The following ADGRE1 variants were observed in gnomAD, a reference collection of about 807,000 sequenced individuals.
ADGRE1 encodes the protein EGF-like module receptor 1.
In ADGRE1, 82 loss-of-function variants were observed where a neutral mutation model predicts 102.7. That is an observed-to-expected ratio of 0.80 (90% CI 0.67 to 0.96). The LOEUF (loss-of-function observed/expected upper bound fraction) is 0.96, where lower values mean the gene tolerates loss of function less well. Ranked by LOEUF, ADGRE1 falls within the 40% of genes least tolerant of loss-of-function variation. The pLI, the probability that ADGRE1 is intolerant of heterozygous loss-of-function variation, is 0.00. For synonymous variants in ADGRE1, 398 were observed against 399.6 expected, an observed-to-expected ratio of 1.00 and a Z score of 0.05; for missense variants, 1,032 against 1,085.3, an observed-to-expected ratio of 0.95 and a Z score of 0.69.
intron 17 of ADGRE1, among the ~76,000 whole-genome samples, chr19:6,933,897 A>T (rs1232736867): frequency 2.0e-5 from 3 of 149,646 alleles, no homozygotes; most frequent in African/African-American, 7.5e-5. Context: ...TTGCTCAGGA[A>T]TGCTTTTGAG....
chr19:6,931,458 C>T (rs1050608729), intron 17 of ADGRE1, among the ~76,000 whole-genome samples: 4 of 152,126 alleles, frequency 2.6e-5, no homozygotes, highest in Non-Finnish European at 5.9e-5. Context: ...CATGACAACA[C>T]GAGGGAGGGT....
intron 20 of ADGRE1, among the ~76,000 whole-genome samples, chr19:6,939,201 A>C (rs540555592): frequency 1.3e-5 from 2 of 152,342 alleles, no homozygotes; most frequent in South Asian, 4.1e-4. Context: ...CATATCATGG[A>C]TGACATATTC....
intron 5 of ADGRE1, 67 bp from the exon 6 acceptor site, chr19:6,901,808 C>T: frequency 6.5e-7 from 1 of 1,546,348 alleles, no homozygotes. Flanking sequence ...AGTGCATCTC[C>T]TATTTGTAGT....
chr19:6,910,828 C>A (rs1332825767), intron 10 of ADGRE1, among the ~76,000 whole-genome samples: 9 of 152,126 alleles, frequency 5.9e-5, no homozygotes, highest in Non-Finnish European at 1.5e-5. Flanking sequence ...CCACCTCAGC[C>A]TCCCAAAGTG....
intron 14 of ADGRE1, among the ~76,000 whole-genome samples, 179 bp downstream of exon 14, chr19:6,922,062 G>A (rs1477664216): frequency 1.3e-5 from 2 of 152,144 alleles, no homozygotes; most frequent in African/African-American, 4.8e-5. Context: ...GTCTGGTTGG[G>A]AGGCCATGAA....
chr19:6,908,118 G>A (rs1032474184), intron 9 of ADGRE1, among the ~76,000 whole-genome samples: 1 of 152,230 alleles, frequency 6.6e-6, no homozygotes, highest in African/African-American at 2.4e-5. Flanking sequence ...TCGCTTAAAG[G>A]CGTTCTTAAA....
Position 6,940,097 on chromosome 19 carries a change from A to G in ADGRE1, c.*68A>G. 1.1e-5 allele frequency: 17 copies of G among 1,554,492 alleles called. No homozygotes were observed. The highest frequency in any genetic ancestry group is 1.7e-4 in the Middle Eastern group (1 of 5,970). ...GGACAGTAGTTTCCTGCAGGAGCCT[A>G]CCCTGAAATCTCTTCTCAGCTTAAC... is the stretch of plus-strand genomic sequence containing the variant. On this transcript the variant is annotated 3_prime_UTR_variant, in exon 21 of 21. Coordinates refer to ENST00000312053, the MANE Select transcript of ADGRE1 (RefSeq NM_001974.5).
intron 5 of ADGRE1, among the ~76,000 whole-genome samples, chr19:6,899,608 A>T (rs886690175): frequency 5.3e-5 from 8 of 151,570 alleles, no homozygotes; most frequent in Non-Finnish European, 2.9e-5. Flanking sequence ...TGAACCTGGG[A>T]GGCGGAGGTT....
At chr19:6,931,229 ACTGAT>A (rs1194046046) in intron 17 of ADGRE1, among the ~76,000 whole-genome samples, 16 of 152,162 alleles carry the variant, frequency 1.1e-4, no homozygotes, top group African/African-American at 3.9e-4. Context: ...TGTTTACTTG[ACTGAT>A]CTAAGTCTTG....
intron 17 of ADGRE1, among the ~76,000 whole-genome samples, chr19:6,929,320 C>T (rs1469560952): frequency 1.3e-5 from 2 of 152,160 alleles, no homozygotes; most frequent in Non-Finnish European, 2.9e-5. Context: ...AGATTTTAGA[C>T]TGGCTTGAGG....
chr19:6,925,696 A>AT (rs1194017669), intron 15 of ADGRE1, among the ~76,000 whole-genome samples: 1 of 138,442 alleles, frequency 7.2e-6, no homozygotes, highest in East Asian at 2.0e-4. Flanking sequence ...CTTTTTTTAA[A>AT]TTTTTAATTT....
Position 6,921,792 on chromosome 19 carries a change from G to A in ADGRE1, c.1700G>A (p.Cys567Tyr), listed in dbSNP as rs373945925. Residue 567 changes from cysteine to tyrosine, a missense_variant, in exon 14 of 21, where the codon TGT becomes TAT. Transcript: ENST00000312053. The part of the protein sequence containing the change: ...VKGGRWTSFG[C>Y]VILEASETYT... ...GGTGGAAGATGGACATCCTTTGGCT[G>A]TGTGATCCTGGAAGCTTCTGAGACA... The A allele has an allele frequency of 3.5e-5, 56 of 1,613,990 alleles. No individual in the cohort carries two copies. Among genetic ancestry groups the A allele is most frequent in the Non-Finnish European group, 4.5e-5 (53 of 1,180,032 alleles).
At chr19:6,899,566 G>A (rs1224753818) in intron 5 of ADGRE1, among the ~76,000 whole-genome samples, 1 of 151,996 alleles carries the variant, frequency 6.6e-6, no homozygotes, top group Non-Finnish European at 1.5e-5. Flanking sequence ...TGTAATCCCA[G>A]CTACTCGGGA....
intron 6 of ADGRE1, among the ~76,000 whole-genome samples, chr19:6,902,803 C>G (rs998483150): frequency 2.0e-5 from 3 of 152,224 alleles, no homozygotes; most frequent in Non-Finnish European, 4.4e-5. Context: ...GTGGCTTGAT[C>G]TCAGCTTACT....
intron 13 of ADGRE1, among the ~76,000 whole-genome samples, chr19:6,920,663 A>G (rs564281679): frequency 8.2e-4 from 124 of 150,934 alleles, no homozygotes; most frequent in Non-Finnish European, 1.6e-3. Flanking sequence ...GGTGCCCACC[A>G]CATGCCCAGC....
chr19:6,934,615 T>G (rs1474818473), intron 17 of ADGRE1, among the ~76,000 whole-genome samples: 2 of 135,460 alleles, frequency 1.5e-5, no homozygotes, highest in African/African-American at 5.7e-5. Context: ...TTTTTTTTTT[T>G]TGAGATGGAG....
Position 6,913,849 on chromosome 19 carries a change from G to T in ADGRE1, c.1300+19G>T, listed in dbSNP as rs200090516. 6 of 1,554,936 alleles carry T rather than the reference G, an allele frequency of 3.9e-6. No individual in the cohort carries two copies. Among genetic ancestry groups the T allele is most frequent in the Admixed American group, 1.8e-5 (1 of 55,288 alleles). On this transcript the variant is annotated intron_variant, in intron 11 of 20. Coordinates refer to ENST00000312053, the MANE Select transcript of ADGRE1 (RefSeq NM_001974.5). ...TACTTAGGTAGGAGACACCCTTTGT[G>T]GCAAGGTTACACCTAGGGGATGATT... is the stretch of plus-strand genomic sequence containing the variant.
At chr19:6,937,014 T>C (rs1180005824) in intron 18 of ADGRE1, among the ~76,000 whole-genome samples, 1 of 152,158 alleles carries the variant, frequency 6.6e-6, no homozygotes, top group African/African-American at 2.4e-5. Context: ...CACCTCGGCC[T>C]CCCAAAGTGC....
At position 6,913,724 on chromosome 19, in the gene ADGRE1, G is replaced by A. The variant is rs779371590; in HGVS notation, c.1194G>A (p.Thr398=). 6 of 1,613,226 alleles carry A rather than the reference G, an allele frequency of 3.7e-6. No homozygotes were observed. Among genetic ancestry groups the A allele is most frequent in the South Asian group, 1.1e-5 (1 of 90,816 alleles). The change falls in exon 11 of 21, where the codon ACG becomes ACA. Residue 398 remains threonine, a synonymous_variant. Coordinates refer to ENST00000312053, the MANE Select transcript of ADGRE1 (RefSeq NM_001974.5). ...STWTKFTKEE[T]SSLATVFLES... ...GGACTAAATTCACCAAGGAAGAGAC[G>A]TCCTCCCTGGCCACAGTCTTCCTGG...
Sources: gnomAD v4.1 joint callset for allele counts (sites outside exome capture counted in the v4.1 genomes callset) on GRCh38, gnomAD v4.1.1 for gene constraint, MANE v1.5 for transcripts, NCBI Gene and HGNC (gene_info 2026-07-23, HGNC 2026-07-21) for gene names.